The following ALDH18A1 variants were observed in gnomAD, a reference collection of about 807,000 sequenced individuals.
ALDH18A1 encodes delta-1-pyrroline-5-carboxylate synthase.
In ALDH18A1, 44 loss-of-function variants were observed where a neutral mutation model predicts 88.8. That is an observed-to-expected ratio of 0.50 (90% CI 0.39 to 0.64). The LOEUF is 0.64. Ranked by LOEUF, ALDH18A1 falls within the 30% of genes least tolerant of loss-of-function variation. The pLI is 0.00. For missense variants in ALDH18A1, 782 were observed against 1,009.5 expected (o/e 0.77, Z 3.05); for synonymous variants, 331 against 372.1 (o/e 0.89, Z 1.27).
Position 95,627,475 on chromosome 10 carries a change from C to G in ALDH18A1, c.1045G>C (p.Val349Leu). The G allele has an allele frequency of 6.2e-7, 1 of 1,614,156 alleles. No individual in the cohort carries two copies. The highest frequency in any genetic ancestry group is 8.5e-7 in the Non-Finnish European group (1 of 1,179,998). Residue 349 changes from valine to leucine, a missense_variant, in exon 9 of 18, where the codon GTT becomes CTT. This residue lies in a region of ALDH18A1 where 556 missense variants were observed against 654.5 expected (regional missense o/e 0.85). Coordinates refer to ENST00000371224, the MANE Select transcript of ALDH18A1 (RefSeq NM_002860.4). ...TTTACTTCTGAAAAGAAGGTACCAA[C>G]TTTCTTCCCCTCCACAATGTCTGTG... ...VITDIVEGKKVGTFFSEVKPA... is the reference protein window; with the variant it reads ...VITDIVEGKKLGTFFSEVKPA...
intron 13 of ALDH18A1, among the ~76,000 whole-genome samples, chr10:95,616,100 T>C: frequency 6.6e-6 from 1 of 152,202 alleles, no homozygotes; most frequent in East Asian, 1.9e-4. Flanking sequence ...ACACACCGCA[T>C]GACAGTTTAT....
chr10:95,650,784 G>A (rs144042928), intron 2 of ALDH18A1, among the ~76,000 whole-genome samples: 3 of 152,030 alleles, frequency 2.0e-5, no homozygotes, highest in African/African-American at 7.2e-5. Flanking sequence ...AAGACAGGAA[G>A]ATATAGAGAA....
chr10:95,652,626 C>T (rs1309478888), intron 2 of ALDH18A1, among the ~76,000 whole-genome samples: 1 of 151,872 alleles, frequency 6.6e-6, no homozygotes, highest in African/African-American at 2.4e-5. Context: ...TCCCAGCTAA[C>T]TGGGAGGCTG....
Position 95,616,554 on chromosome 10 carries a change from C to T in ALDH18A1, c.1528G>A (p.Ala510Thr), listed in dbSNP as rs1383295147. The change falls in exon 13 of 18, where the codon GCA (alanine) becomes ACA (threonine). Residue 510 changes from alanine to threonine, a missense_variant. This residue lies in a region of ALDH18A1 where 556 missense variants were observed against 654.5 expected (regional missense o/e 0.85). Coordinates refer to ENST00000371224, the MANE Select transcript of ALDH18A1 (RefSeq NM_002860.4). ...GLLLKGGKEA[A>T]HSNRILHLLT... ...AGGTGGAGAATCCGGTTGCTGTGTGCAGCCTCCTTCCCTCCTTTGAGTAAC... is the reference window on the plus strand; with the variant it reads ...AGGTGGAGAATCCGGTTGCTGTGTGTAGCCTCCTTCCCTCCTTTGAGTAAC... 1.3e-6 allele frequency: 2 copies of T among 1,599,956 alleles called. No individual in the cohort carries two copies. The highest frequency in any genetic ancestry group is 1.1e-5 in the South Asian group (1 of 88,066).
intron 6 of ALDH18A1, among the ~76,000 whole-genome samples, 189 bp downstream of exon 6, chr10:95,633,302 T>C (rs1414593881): frequency 6.6e-6 from 1 of 152,192 alleles, no homozygotes; most frequent in Non-Finnish European, 1.5e-5. Flanking sequence ...CCATCTTCAG[T>C]GACTATAGCA....
At chr10:95,653,050 C>G (rs765812172) in intron 2 of ALDH18A1, among the ~76,000 whole-genome samples, 1 of 151,286 alleles carries the variant, frequency 6.6e-6, no homozygotes, top group Non-Finnish European at 1.5e-5. Flanking sequence ...AGAGTCAGCG[C>G]GGTGGTGTGT....
At position 95,627,475 on chromosome 10, in the gene ALDH18A1, C is replaced by T. The variant is rs768360126; in HGVS notation, c.1045G>A (p.Val349Ile). Residue 349 changes from valine to isoleucine, a missense_variant, in exon 9 of 18, where the codon GTT becomes ATT. Val to Ile is a conservative substitution (Grantham distance 29). Around this residue, in one of 3 missense-constraint regions of ALDH18A1, gnomAD observed 556 missense variants for 654.5 expected, o/e 0.85. Coordinates refer to ENST00000371224, the MANE Select transcript of ALDH18A1 (RefSeq NM_002860.4). ...TTTACTTCTGAAAAGAAGGTACCAA[C>T]TTTCTTCCCCTCCACAATGTCTGTG... ...VITDIVEGKK[V>I]GTFFSEVKPA... The T allele has an allele frequency of 7.4e-6, 12 of 1,614,038 alleles. No homozygotes were observed. The highest frequency in any genetic ancestry group is 1.0e-5 in the Non-Finnish European group (12 of 1,180,006).
At chr10:95,608,942 C>T (rs903268672) in intron 17 of ALDH18A1, among the ~76,000 whole-genome samples, 1 of 152,212 alleles carries the variant, frequency 6.6e-6, no homozygotes, top group Admixed American at 6.5e-5. Flanking sequence ...ATGGTGCGGT[C>T]TCGGCTCACT....
intron 16 of ALDH18A1, among the ~76,000 whole-genome samples, chr10:95,610,649 G>C (rs377674033): frequency 2.9e-4 from 44 of 152,148 alleles, no homozygotes; most frequent in African/African-American, 1.0e-3. Flanking sequence ...TCTGTGTCTG[G>C]GTCAAAAGGG....
chr10:95,616,860 G>C (rs757812484), intron 12 of ALDH18A1, among the ~76,000 whole-genome samples: 1 of 152,204 alleles, frequency 6.6e-6, no homozygotes, highest in Non-Finnish European at 1.5e-5. Context: ...ATAAATAACA[G>C]GGATGGGAGC....
Position 95,606,682 on chromosome 10 carries a change from C to CCT in ALDH18A1, c.*79_*80insAG. On this transcript the variant is annotated 3_prime_UTR_variant, in exon 18 of 18. Coordinates refer to ENST00000371224, the MANE Select transcript of ALDH18A1 (RefSeq NM_002860.4). The stretch of plus-strand genomic sequence containing the variant: ...GCAGACCCTACCAGGAACTGGGAGA[C>CCT]AAGAGCGGGCTCTCTCCTGAGATAA... 6.2e-7 allele frequency: 1 copy of CCT among 1,612,148 alleles called. No individual in the cohort carries two copies. Among genetic ancestry groups the CCT allele is most frequent in the Non-Finnish European group, 8.5e-7 (1 of 1,179,730 alleles).
intron 2 of ALDH18A1, among the ~76,000 whole-genome samples, chr10:95,643,547 T>C (rs988300345): frequency 1.3e-5 from 2 of 152,220 alleles, no homozygotes; most frequent in Non-Finnish European, 2.9e-5. Context: ...TATTCATCAC[T>C]GTTATTTATT....
Position 95,614,136 on chromosome 10 carries a change from T to C in ALDH18A1, c.1631A>G (p.Asp544Gly), listed in dbSNP as rs372744264. The change falls in exon 14 of 18, where the codon GAT (aspartate) becomes GGT (glycine). Residue 544 changes from aspartate to glycine, a missense_variant. Around this residue, in one of 3 missense-constraint regions of ALDH18A1, gnomAD observed 556 missense variants for 654.5 expected, o/e 0.85. Transcript: ENST00000371224. ...TATCATTTTGTCTAGGCGGCAAAGA[T>C]CTTCAACTTCTTCTCTGGTATTCAC... ...QLVNTREEVEDLCRLDKMIDL... is the reference protein window; with the variant it reads ...QLVNTREEVEGLCRLDKMIDL... 1.4e-5 allele frequency: 22 copies of C among 1,614,096 alleles called. No homozygotes were observed. Among genetic ancestry groups the C allele is most frequent in the Non-Finnish European group, 1.9e-5 (22 of 1,180,034 alleles).
chr10:95,629,743 C>T (rs1332556476), intron 7 of ALDH18A1, among the ~76,000 whole-genome samples: 1 of 152,118 alleles, frequency 6.6e-6, no homozygotes, highest in African/African-American at 2.4e-5. Flanking sequence ...TTTCCCCTTA[C>T]CCCACCAAGA....
intron 11 of ALDH18A1, among the ~76,000 whole-genome samples, chr10:95,622,644 T>C (rs1303980658): frequency 6.6e-6 from 1 of 152,098 alleles, no homozygotes; most frequent in Non-Finnish European, 1.5e-5. Flanking sequence ...TTCAAGCCAT[T>C]CTCCTGCCTC....
intron 1 of ALDH18A1, among the ~76,000 whole-genome samples, chr10:95,653,899 C>T (rs1217864312): frequency 6.6e-6 from 1 of 152,224 alleles, no homozygotes; most frequent in Admixed American, 6.5e-5. Flanking sequence ...AGGCTGCTGC[C>T]ATGTCTTTCT....
chr10:95,653,081 G>C (rs1287637899), intron 2 of ALDH18A1, among the ~76,000 whole-genome samples: 1 of 151,792 alleles, frequency 6.6e-6, no homozygotes, highest in East Asian at 1.9e-4. Context: ...CCAAGTACTT[G>C]GTGGGCTGAG....
At chr10:95,638,697 A>G (rs2097885753) in intron 3 of ALDH18A1, among the ~76,000 whole-genome samples, 1 of 152,134 alleles carries the variant, frequency 6.6e-6, no homozygotes, top group South Asian at 2.1e-4. Flanking sequence ...TGTCTGCCCA[A>G]GACCAAATGC....
chr10:95,640,680 G>GGGAT (rs912213180), intron 3 of ALDH18A1, among the ~76,000 whole-genome samples: 1 of 152,144 alleles, frequency 6.6e-6, no homozygotes, highest in African/African-American at 2.4e-5. Context: ...TCCCATTTAT[G>GGGAT]GCCAGTGGAA....
Sources: gnomAD v4.1 joint callset for allele counts (sites outside exome capture counted in the v4.1 genomes callset) on GRCh38, gnomAD v4.1.1 for gene constraint, gnomAD v4.1.1 regional missense constraint, MANE v1.5 for transcripts, NCBI Gene and HGNC (gene_info 2026-07-23, HGNC 2026-07-21) for gene names.